RARS2: variants seen among roughly 807,000 people sequenced by gnomAD.
RARS2 encodes probable arginine--tRNA ligase, mitochondrial.
RARS2 carries 67 observed loss-of-function variants against 88.5 expected under a neutral mutation model. That is an observed-to-expected ratio of 0.76 (90% CI 0.62 to 0.93). The LOEUF is 0.93. RARS2 is among the 40% of genes least tolerant of loss of function. The pLI, the probability that RARS2 is intolerant of heterozygous loss-of-function variation, is 0.00. For missense variants in RARS2, 664 were observed against 684.2 expected, an observed-to-expected ratio of 0.97 and a Z score of 0.33; for synonymous variants, 239 against 230.3, an observed-to-expected ratio of 1.04 and a Z score of -0.34.
At chr6:87,537,773 T>C (rs1160784661) in intron 8 of RARS2, among the ~76,000 whole-genome samples, 3 of 152,140 alleles carry the variant, frequency 2.0e-5, no homozygotes, top group Non-Finnish European at 2.9e-5. Flanking sequence ...TATCTTAAAG[T>C]TTTCCTTCGA....
chr6:87,533,333 A>G lies in RARS2; in HGVS notation c.613-2391T>C, dbSNP rs1302169196. Among the ~76,000 whole-genome samples, 7 of 152,222 alleles carry G rather than the reference A, an allele frequency of 4.6e-5. No individual in the cohort carries two copies. In the East Asian group the frequency reaches 1.3e-3, roughly 29 times the overall value. On this transcript the variant is annotated intron_variant, in intron 8 of 19. Coordinates refer to ENST00000369536, the MANE Select transcript of RARS2 (RefSeq NM_020320.5). ...TCCGCAATATGTACTTATAAAACAA[A>G]CATTAGTGAAAATCAACTGACACTA... is the stretch of plus-strand genomic sequence containing the variant.
intron 1 of RARS2, among the ~76,000 whole-genome samples, chr6:87,578,550 T>C (rs1407181877): frequency 6.6e-6 from 1 of 152,222 alleles, no homozygotes. Context: ...TTAAGCAGTA[T>C]GGCTCAGACA....
At chr6:87,522,811 T>C (rs1380089112) in intron 11 of RARS2, among the ~76,000 whole-genome samples, 1 of 152,214 alleles carries the variant, frequency 6.6e-6, no homozygotes, top group African/African-American at 2.4e-5. Context: ...GGTCTCATTA[T>C]ATTGTCCCGG....
intron 1 of RARS2, among the ~76,000 whole-genome samples, chr6:87,589,404 C>A (rs1776277591): frequency 6.6e-6 from 1 of 152,186 alleles, no homozygotes; most frequent in African/African-American, 2.4e-5. Context: ...CCCTTCCTCA[C>A]AACAGAGCTG....
In RARS2 at chr6:87,518,751, G is replaced by C. The variant is rs182823716; in HGVS notation, c.1306-12C>G. 6.2e-7 allele frequency: 1 copy of C among 1,613,094 alleles called. No individual in the cohort carries two copies. Among genetic ancestry groups the C allele is most frequent in the Admixed American group, 1.7e-5 (1 of 60,028 alleles). ...AAACCTTTGAAGTCCTAAAACGACA[G>C]AGGAAATCTTCACTGCTGGGATTTG... On this transcript the variant is annotated splice_polypyrimidine_tract_variant and intron_variant, in intron 15 of 19. Coordinates refer to ENST00000369536, the MANE Select transcript of RARS2 (RefSeq NM_020320.5).
At chr6:87,526,337 G>A (rs895463102) in intron 10 of RARS2, among the ~76,000 whole-genome samples, 3 of 152,148 alleles carry the variant, frequency 2.0e-5, no homozygotes, top group Non-Finnish European at 4.4e-5. Flanking sequence ...GCAACATGGT[G>A]AAACTCCATC....
At chr6:87,577,664 A>G (rs1293259257) in intron 1 of RARS2, among the ~76,000 whole-genome samples, 1 of 152,220 alleles carries the variant, frequency 6.6e-6, no homozygotes, top group Non-Finnish European at 1.5e-5. Context: ...TGAACAGTAG[A>G]GGTTGTGCAG....
chr6:87,524,880 G>A (rs1775152576), intron 10 of RARS2, among the ~76,000 whole-genome samples: 1 of 152,136 alleles, frequency 6.6e-6, no homozygotes, highest in Non-Finnish European at 1.5e-5. Flanking sequence ...TTTTAAATCT[G>A]TAGCTCTGGA....
At chr6:87,524,009 TTGG>T (rs1195658039) in intron 11 of RARS2, among the ~76,000 whole-genome samples, 2 of 152,164 alleles carry the variant, frequency 1.3e-5, no homozygotes, top group Non-Finnish European at 2.9e-5. Flanking sequence ...TTAAAGTTGT[TTGG>T]AACAAATTAT....
At chr6:87,529,737 C>T (rs548127468) in intron 9 of RARS2, 89 bp from the exon 10 acceptor site, 3 of 831,650 alleles carry the variant, frequency 3.6e-6, no homozygotes, top group African/African-American at 1.7e-5. Flanking sequence ...GCTCTACCAC[C>T]TGTCACACAC....
intron 4 of RARS2, among the ~76,000 whole-genome samples, chr6:87,561,278 T>C (rs1188133351): frequency 6.6e-6 from 1 of 152,154 alleles, no homozygotes; most frequent in Non-Finnish European, 1.5e-5. Flanking sequence ...GGCAATTGTT[T>C]TATGTGATTT....
At chr6:87,565,431 G>A (rs966765041) in intron 2 of RARS2, among the ~76,000 whole-genome samples, 1 of 152,116 alleles carries the variant, frequency 6.6e-6, no homozygotes, top group East Asian at 1.9e-4. Flanking sequence ...CAACTGATTC[G>A]TGAAAATAAA....
At chr6:87,587,395 ATTAT>A (rs1464022272) in intron 1 of RARS2, among the ~76,000 whole-genome samples, 1 of 152,076 alleles carries the variant, frequency 6.6e-6, no homozygotes, top group African/African-American at 2.4e-5. Flanking sequence ...TGAAAATATT[ATTAT>A]TTATCCTCAA....
chr6:87,564,661 C>A, intron 2 of RARS2: 1 of 275,982 alleles, frequency 3.6e-6, no homozygotes. Flanking sequence ...AAGAGCGAAA[C>A]TCTGTCTCAA....
chr6:87,588,995 G>A (rs1582947153), intron 1 of RARS2, among the ~76,000 whole-genome samples: 1 of 152,042 alleles, frequency 6.6e-6, no homozygotes, highest in South Asian at 2.1e-4. Flanking sequence ...CACCGGACAG[G>A]GCAGTACATC....
chr6:87,529,471 A>C (rs886670267), intron 10 of RARS2, 71 bp downstream of exon 10: 1 of 991,242 alleles, frequency 1.0e-6, no homozygotes, highest in East Asian at 2.4e-5. Context: ...TGTTGTCCTT[A>C]CTCAAAGGAT....
intron 4 of RARS2, among the ~76,000 whole-genome samples, chr6:87,561,736 C>G (rs763717968): frequency 1.4e-4 from 21 of 152,246 alleles, no homozygotes; most frequent in Non-Finnish European, 2.9e-4. Context: ...GTAAGCAGTC[C>G]GCTTGCTCCT....
At chr6:87,555,093 C>T (rs543688506) in intron 5 of RARS2, among the ~76,000 whole-genome samples, 159 of 116,528 alleles carry the variant, frequency 1.4e-3, no homozygotes, top group African/African-American at 4.1e-3. Context: ...AGTGAGACTC[C>T]GTCTCAAAAA....
chr6:87,555,242 T>C (rs1007844295), intron 5 of RARS2, among the ~76,000 whole-genome samples, 166 bp downstream of exon 5: 2 of 152,232 alleles, frequency 1.3e-5, no homozygotes, highest in South Asian at 4.1e-4. Context: ...TATTTTTTAT[T>C]CACAGTTCAA....
Sources: allele counts gnomAD v4.1 joint callset (sites outside exome capture counted in the v4.1 genomes callset), GRCh38; gene constraint gnomAD v4.1.1; transcripts MANE v1.5; gene names NCBI Gene and HGNC (gene_info 2026-07-23, HGNC 2026-07-21).